TFEC: variants seen among roughly 807,000 people sequenced by gnomAD.
The protein encoded by TFEC is class E basic helix-loop-helix protein 34.
TFEC carries 31 observed loss-of-function variants against 41.6 expected under a neutral mutation model. The ratio of observed to expected loss-of-function variants is 0.74; its 90% CI spans 0.56 to 1.01. The LOEUF (loss-of-function observed/expected upper bound fraction) is 1.01. Ranked by LOEUF, TFEC falls within the 50% of genes least tolerant of loss-of-function variation. TFEC has a pLI of 0.00. For missense variants in TFEC, 402 were observed against 404.1 expected (o/e 0.99, Z 0.04); for synonymous variants, 143 against 140.6 (o/e 1.02, Z -0.12).
chr7:115,960,073 G>T (rs1792454401), intron 3 of TFEC, among the ~76,000 whole-genome samples: 1 of 150,944 alleles, frequency 6.6e-6, no homozygotes, highest in African/African-American at 2.4e-5. Flanking sequence ...AAGAATGATA[G>T]AAAAGACCTG....
At chr7:116,124,231 TG>T (rs1236890837) in intron 1 of TFEC, among the ~76,000 whole-genome samples, 1 of 152,126 alleles carries the variant, frequency 6.6e-6, no homozygotes, top group African/African-American at 2.4e-5. Flanking sequence ...ATAGTTACTT[TG>T]GGTGCAGACA....
At chr7:115,954,393 T>G (rs1448609871) in intron 5 of TFEC, among the ~76,000 whole-genome samples, 193 bp downstream of exon 5, 1 of 152,086 alleles carries the variant, frequency 6.6e-6, no homozygotes, top group Non-Finnish European at 1.5e-5. Flanking sequence ...TCGAGATGTT[T>G]CATTTTGTGA....
At chr7:116,107,287 T>A (rs968319246) in intron 3 of TFEC, among the ~76,000 whole-genome samples, 4 of 152,012 alleles carry the variant, frequency 2.6e-5, no homozygotes, top group African/African-American at 9.7e-5. Flanking sequence ...CCTCCCTCTC[T>A]CCCTACAGCC....
chr7:116,067,942 GA>G (rs1796733265), intron 3 of TFEC, among the ~76,000 whole-genome samples: 1 of 151,662 alleles, frequency 6.6e-6, no homozygotes, highest in Non-Finnish European at 1.5e-5. Flanking sequence ...ATACCTCCCT[GA>G]AAATCTTGAC....
intron 3 of TFEC, among the ~76,000 whole-genome samples, chr7:116,093,425 A>G (rs571787984): frequency 6.6e-6 from 1 of 152,312 alleles, no homozygotes; most frequent in Non-Finnish European, 1.5e-5. Flanking sequence ...AAAGAAAAGC[A>G]TTTCAGAAAG....
chr7:115,979,015 G>C (rs943935209), intron 2 of TFEC, among the ~76,000 whole-genome samples: 2 of 151,986 alleles, frequency 1.3e-5, no homozygotes, highest in African/African-American at 4.8e-5. Context: ...AGCAGATTTG[G>C]ATATCTAGCT....
intron 1 of TFEC, among the ~76,000 whole-genome samples, chr7:116,113,985 T>C (rs886066925): frequency 2.6e-5 from 4 of 151,950 alleles, no homozygotes; most frequent in African/African-American, 9.7e-5. Flanking sequence ...GAGAAGTACA[T>C]AGAATGGATG....
upstream of TFEC, among the ~76,000 whole-genome samples, chr7:116,033,128 T>C (rs2130898776): frequency 9.2e-6 from 1 of 108,228 alleles, no homozygotes; most frequent in East Asian, 3.5e-4. Flanking sequence ...CTTCTCATGA[T>C]TCATCAAAAA....
intron 3 of TFEC, among the ~76,000 whole-genome samples, chr7:116,107,814 T>G (rs930033075): frequency 6.6e-6 from 1 of 152,216 alleles, no homozygotes; most frequent in Non-Finnish European, 1.5e-5. Flanking sequence ...TCATGCAATT[T>G]TGAGATCATT....
chr7:116,016,693 A>G (rs1029352719), intron 1 of TFEC, among the ~76,000 whole-genome samples: 3 of 151,864 alleles, frequency 2.0e-5, no homozygotes, highest in Admixed American at 1.3e-4. Context: ...TATATAATAT[A>G]TAGTATATTG....
chr7:116,046,664 T>A (rs1796172947), intron 3 of TFEC, among the ~76,000 whole-genome samples: 2 of 152,306 alleles, frequency 1.3e-5, no homozygotes, highest in South Asian at 4.1e-4. Flanking sequence ...ATATAGTGAT[T>A]TACGTGATGC....
chr7:116,119,546 A>T (rs890512865), intron 1 of TFEC, among the ~76,000 whole-genome samples: 7 of 151,854 alleles, frequency 4.6e-5, no homozygotes, highest in African/African-American at 1.7e-4. Flanking sequence ...AAAACACTGA[A>T]TTATACACTT....
chr7:116,108,159 A>G (rs1283042377), intron 3 of TFEC, among the ~76,000 whole-genome samples: 1 of 152,132 alleles, frequency 6.6e-6, no homozygotes, highest in African/African-American at 2.4e-5. Flanking sequence ...TAAACAGAAC[A>G]TTCTGATTAT....
intron 3 of TFEC, among the ~76,000 whole-genome samples, chr7:116,102,221 C>A (rs1466232404): frequency 1.3e-5 from 2 of 152,154 alleles, no homozygotes; most frequent in African/African-American, 2.4e-5. Flanking sequence ...TTTATTTACT[C>A]TTCCCAGCAC....
intron 6 of TFEC, among the ~76,000 whole-genome samples, chr7:115,948,055 G>A (rs1791704155): frequency 1.3e-5 from 2 of 152,110 alleles, no homozygotes; most frequent in Non-Finnish European, 1.5e-5. Flanking sequence ...TACCATCAGA[G>A]AATATTACCA....
intron 1 of TFEC, among the ~76,000 whole-genome samples, chr7:116,027,611 A>G (rs1795636341): frequency 6.6e-6 from 1 of 151,998 alleles, no homozygotes; most frequent in African/African-American, 2.4e-5. Context: ...AAATTTTTTA[A>G]ATGTGCAGGC....
intron 3 of TFEC, among the ~76,000 whole-genome samples, chr7:116,075,699 C>A (rs1164497337): frequency 6.6e-6 from 1 of 152,088 alleles, no homozygotes; most frequent in Non-Finnish European, 1.5e-5. Context: ...CTGGGAACCA[C>A]ATCCTCATCC....
intron 3 of TFEC, among the ~76,000 whole-genome samples, chr7:116,054,989 G>A (rs1313016717): frequency 6.6e-6 from 1 of 152,092 alleles, no homozygotes; most frequent in African/African-American, 2.4e-5. Context: ...AAATATGAAT[G>A]CATATGGCAT....
intron 4 of TFEC, among the ~76,000 whole-genome samples, chr7:115,955,130 A>G (rs1224265808): frequency 6.6e-6 from 1 of 152,066 alleles, no homozygotes; most frequent in African/African-American, 2.4e-5. Context: ...AAATATCCAT[A>G]TGAAACACTT....
Sources: allele counts gnomAD v4.1 joint callset (sites outside exome capture counted in the v4.1 genomes callset), GRCh38; gene constraint gnomAD v4.1.1; transcripts MANE v1.5; gene names NCBI Gene and HGNC (gene_info 2026-07-23, HGNC 2026-07-21).